MCF2L2: variants seen among roughly 807,000 people sequenced by gnomAD.
MCF2L2 encodes the protein probable guanine nucleotide exchange factor MCF2L2.
MCF2L2 carries 102 observed loss-of-function variants against 150.2 expected under a neutral mutation model. The observed-to-expected ratio is 0.68, with a 90% confidence interval of 0.58 to 0.80. The LOEUF (loss-of-function observed/expected upper bound fraction) is 0.80. MCF2L2 is among the 30% of genes least tolerant of loss of function. The pLI is 0.00. For synonymous variants in MCF2L2, 465 were observed against 491.3 expected, an observed-to-expected ratio of 0.95 and a Z score of 0.71; for missense variants, 1,256 against 1,372.8, an observed-to-expected ratio of 0.91 and a Z score of 1.34.
intron 2 of MCF2L2, among the ~76,000 whole-genome samples, chr3:183,385,587 A>G (rs1713784879): frequency 6.6e-6 from 1 of 152,228 alleles, no homozygotes; most frequent in South Asian, 2.1e-4. Context: ...GCAAAGAGGG[A>G]GAGAAAGTGA....
chr3:183,249,214 T>G (rs545947770), intron 15 of MCF2L2, among the ~76,000 whole-genome samples: 1 of 152,340 alleles, frequency 6.6e-6, no homozygotes, highest in South Asian at 2.1e-4. Context: ...CTCTGGGACC[T>G]GCACAGAACC....
intron 27 of MCF2L2, among the ~76,000 whole-genome samples, chr3:183,191,978 C>A (rs1042894346): frequency 4.0e-5 from 6 of 148,980 alleles, no homozygotes; most frequent in Non-Finnish European, 5.9e-5. Flanking sequence ...GTAGCTGGGA[C>A]TACAGGCGCC....
At chr3:183,269,084 C>T (rs1190097158) in intron 15 of MCF2L2, among the ~76,000 whole-genome samples, 10 of 152,062 alleles carry the variant, frequency 6.6e-5, no homozygotes, top group Non-Finnish European at 1.2e-4. Flanking sequence ...TGGATTTTTA[C>T]TGCTGTGAAT....
chr3:183,354,993 T>G (rs971406592), intron 3 of MCF2L2, among the ~76,000 whole-genome samples: 6 of 151,970 alleles, frequency 3.9e-5, no homozygotes, highest in Non-Finnish European at 8.8e-5. Flanking sequence ...CTTTGTACTG[T>G]GTGAAGTGAT....
chr3:183,351,236 ATTTATT>A (rs1731127531), intron 3 of MCF2L2, among the ~76,000 whole-genome samples: 2 of 70,384 alleles, frequency 2.8e-5, no homozygotes, highest in Admixed American at 1.4e-4. Context: ...ATATATATAT[ATTTATT>A]TATTTATTTA....
intron 6 of MCF2L2, among the ~76,000 whole-genome samples, chr3:183,323,020 C>T (rs1276924695): frequency 2.6e-5 from 4 of 152,208 alleles, no homozygotes; most frequent in African/African-American, 7.2e-5. Flanking sequence ...AACCCCCACA[C>T]CGGGAGATGC....
At chr3:183,198,947 T>G (rs559969286) in intron 25 of MCF2L2, among the ~76,000 whole-genome samples, 1 of 152,192 alleles carries the variant, frequency 6.6e-6, no homozygotes, top group Non-Finnish European at 1.5e-5. Context: ...ATAATATTAA[T>G]AGTTGTAAAA....
intron 1 of MCF2L2, among the ~76,000 whole-genome samples, chr3:183,410,493 C>A (rs1325751651): frequency 6.6e-6 from 1 of 152,158 alleles, no homozygotes. Flanking sequence ...ATTCTCTCCC[C>A]ATGACAGCTT....
In MCF2L2 at chr3:183,179,187, C is replaced by A. The variant is rs575026430; in HGVS notation, c.*193G>T. The A allele has an allele frequency of 1.8e-4, 120 of 685,640 alleles. No homozygotes were observed. The highest frequency in any genetic ancestry group is 2.2e-4 in the Non-Finnish European group (105 of 471,382). The allele number at this position is 685,640 out of a possible 1,614,324, so 42.5% of individuals were successfully genotyped here. On this transcript the variant is annotated 3_prime_UTR_variant, in exon 30 of 30. Transcript: ENST00000328913. This position sits in a 1 kb window ranked among gnomAD's most constrained non-coding sequence, Gnocchi z 4.2. ...AGGCGCCTTAGAGCAGCTCCGAGGT[C>A]CCCCGTGCGGAGCTAGGCGCGCACC... is the stretch of plus-strand genomic sequence containing the variant.
intron 10 of MCF2L2, among the ~76,000 whole-genome samples, chr3:183,303,087 G>A (rs896349956): frequency 4.6e-5 from 7 of 151,670 alleles, no homozygotes; most frequent in African/African-American, 1.2e-4. Flanking sequence ...CCAGCTACTC[G>A]GGAGGCTGAG....
At chr3:183,410,940 A>G (rs1715288089) in intron 1 of MCF2L2, among the ~76,000 whole-genome samples, 1 of 152,188 alleles carries the variant, frequency 6.6e-6, no homozygotes, top group East Asian at 1.9e-4. Context: ...CACCAGAGAG[A>G]GAACAGCTGT....
intron 15 of MCF2L2, among the ~76,000 whole-genome samples, chr3:183,257,958 C>CATT (rs779026571): frequency 1.5e-5 from 1 of 64,724 alleles, no homozygotes; most frequent in Non-Finnish European, 2.6e-5. Flanking sequence ...CCACTTCACC[C>CATT]TTTTTTTTTT....
chr3:183,282,169 A>ATTTATTTTATTTTAT (rs569890962), intron 14 of MCF2L2, among the ~76,000 whole-genome samples: 118 of 150,396 alleles, frequency 7.8e-4, no homozygotes, highest in African/African-American at 2.6e-3. Flanking sequence ...TATTATTATT[A>ATTTATTTTATTTTAT]TTTATTTTAT....
chr3:183,395,911 T>G (rs1444285831), intron 1 of MCF2L2, among the ~76,000 whole-genome samples: 2 of 97,944 alleles, frequency 2.0e-5, no homozygotes, highest in Admixed American at 1.4e-4. Context: ...GCGCAAGACA[T>G]CGTCTCAAAA....
rs7643890 is a variant in MCF2L2 at position 183,219,772 on chromosome 3, G to A, written c.2370+84C>T. On this transcript the variant is annotated intron_variant, in intron 21 of 29. Coordinates refer to ENST00000328913, the MANE Select transcript of MCF2L2 (RefSeq NM_015078.4). ...AAATCTAGATAATAAAGACCACCAA[G>A]TAAAATTGCTATAAATCCTCCGACC... 5.5e-3 allele frequency: 4,893 copies of A among 890,938 alleles called. 159 individuals carry two copies. In the African/African-American group the frequency reaches 0.074, roughly 13 times the overall value. The allele number at this position is 890,938 out of a possible 1,614,324, so 55.2% of individuals were successfully genotyped here. A position where few individuals can be genotyped will look rare whatever the true frequency, so the allele number is the denominator to read the frequency against.
intron 5 of MCF2L2, among the ~76,000 whole-genome samples, chr3:183,326,172 C>T (rs372157025): frequency 4.6e-5 from 7 of 152,016 alleles, no homozygotes; most frequent in African/African-American, 1.7e-4. Context: ...CACACAAATA[C>T]GATCAATTGA....
intron 14 of MCF2L2, among the ~76,000 whole-genome samples, chr3:183,280,982 G>GA (rs1354729098): frequency 6.6e-6 from 1 of 151,292 alleles, no homozygotes; most frequent in African/African-American, 2.4e-5. Flanking sequence ...TCTGAGGAGA[G>GA]AAAAAAAAGC....
rs564153223 is a variant in MCF2L2 at position 183,250,156 on chromosome 3, G to A, written c.1863-19139C>T. On this transcript the variant is annotated intron_variant, in intron 15 of 29. Transcript: ENST00000328913. Reference sequence around the variant, plus strand: ...AGAAAAAGGAGGATTCTTGCTTTTGGGGCATTCAAGTCCTGTCCATTAACC... The same window carrying A: ...AGAAAAAGGAGGATTCTTGCTTTTGAGGCATTCAAGTCCTGTCCATTAACC... Among the ~76,000 whole-genome samples, 10 of 152,260 alleles carry A rather than the reference G, an allele frequency of 6.6e-5. No homozygotes were observed. The South Asian group carries it at 2.1e-3, about 32-fold the overall frequency.
chr3:183,317,410 C>T (rs1047242693), intron 7 of MCF2L2, among the ~76,000 whole-genome samples: 9 of 152,040 alleles, frequency 5.9e-5, no homozygotes, highest in Non-Finnish European at 8.8e-5. Context: ...GGAGAAGCCC[C>T]GGGAAGATTT....
Sources: gnomAD v4.1 joint callset for allele counts (sites outside exome capture counted in the v4.1 genomes callset) on GRCh38, gnomAD v4.1.1 for gene constraint, Gnocchi (gnomAD v3.1) non-coding constraint, MANE v1.5 for transcripts, NCBI Gene and HGNC (gene_info 2026-07-23, HGNC 2026-07-21) for gene names.